SHPRH: variants seen among roughly 807,000 people sequenced by gnomAD.
SHPRH encodes E3 ubiquitin-protein ligase SHPRH.
A neutral mutation model predicts 202.5 loss-of-function variants in SHPRH; 106 were observed. The observed-to-expected ratio is 0.52, with a 90% CI of 0.45 to 0.62. SHPRH has a LOEUF of 0.62. Among genes scored for constraint, SHPRH ranks in the 20% least tolerant of loss-of-function variants. SHPRH has a pLI of 0.00. For synonymous variants in SHPRH, 729 were observed against 686.0 expected (o/e 1.06, Z -0.98); for missense variants, 1,710 against 2,020.0 (o/e 0.85, Z 2.94).
intron 2 of SHPRH, among the ~76,000 whole-genome samples, chr6:145,868,791 T>C (rs1180816785): frequency 6.6e-6 from 1 of 152,254 alleles, no homozygotes; most frequent in Non-Finnish European, 1.5e-5. Flanking sequence ...ATCATTCTGA[T>C]AGCTGATTTC....
At chr6:145,961,084 A>G (rs1326412191) in intron 1 of SHPRH, among the ~76,000 whole-genome samples, 1 of 152,134 alleles carries the variant, frequency 6.6e-6, no homozygotes, top group African/African-American at 2.4e-5. Flanking sequence ...ACCTCCTGCA[A>G]TGCAGCCCGG....
intron 21 of SHPRH, among the ~76,000 whole-genome samples, chr6:145,920,651 A>G (rs1583400194): frequency 6.6e-6 from 1 of 152,210 alleles, no homozygotes; most frequent in South Asian, 2.1e-4. Flanking sequence ...ATAAAACAAT[A>G]ATTGAAAATT....
intron 8 of SHPRH, among the ~76,000 whole-genome samples, chr6:145,944,875 T>C (rs564870586): frequency 9.9e-5 from 15 of 152,014 alleles, no homozygotes; most frequent in South Asian, 6.2e-4. Context: ...CTGGGCAACA[T>C]AGTGAGAACC....
chr6:145,951,656 G>A (rs1260440259), intron 3 of SHPRH: 11 of 317,010 alleles, frequency 3.5e-5, no homozygotes, highest in South Asian at 7.9e-5. Flanking sequence ...CTTGCAAAAC[G>A]ATTTACTATT....
downstream of SHPRH, among the ~76,000 whole-genome samples, chr6:145,863,195 A>T (rs1348052688): frequency 6.6e-6 from 1 of 152,232 alleles, no homozygotes; most frequent in Non-Finnish European, 1.5e-5. Context: ...CTGTACCCCA[A>T]GTATGAATGA....
chr6:145,867,631 T>TAGAGAG (rs748613165), intron 2 of SHPRH, among the ~76,000 whole-genome samples: 248 of 22,286 alleles, frequency 0.011, 20 homozygotes, highest in East Asian at 0.018. Flanking sequence ...TATATATATA[T>TAGAGAG]AGAGAGAGAG....
In SHPRH at chr6:145,947,512, T is replaced by G; in HGVS notation, c.1193A>C (p.Asp398Ala). ...TCCTACCTCGGGAAGAGTGAGAGCATCTTGCTTGACATCTTGTCGAGTATG... is the reference window on the plus strand; with the variant it reads ...TCCTACCTCGGGAAGAGTGAGAGCAGCTTGCTTGACATCTTGTCGAGTATG... ...LTHTRQDVKQ[D>A]ALTLPEGKVV... The change falls in exon 6 of 30, where the codon GAT (aspartate) becomes GCT (alanine). Residue 398 changes from aspartate to alanine, a missense_variant. Physicochemically the swap from Asp to Ala is moderately radical, Grantham distance 126. Around this residue, in one of 8 missense-constraint regions of SHPRH, gnomAD observed 348 missense variants for 356.9 expected, o/e 0.97. Coordinates refer to ENST00000275233, the MANE Select transcript of SHPRH (RefSeq NM_001042683.3). 1.2e-6 allele frequency: 2 copies of G among 1,612,742 alleles called. No individual in the cohort carries two copies. Among genetic ancestry groups the G allele is most frequent in the South Asian group, 1.1e-5 (1 of 91,022 alleles).
At chr6:145,875,040 A>G (rs1300048076) in intron 2 of SHPRH, among the ~76,000 whole-genome samples, 3 of 152,204 alleles carry the variant, frequency 2.0e-5, no homozygotes, top group Non-Finnish European at 4.4e-5. Flanking sequence ...GAGCACTGAT[A>G]TAAGTCTCAA....
chr6:145,943,683 A>G lies in SHPRH; in HGVS notation c.1698T>C (p.Tyr566=), dbSNP rs1329094629. 2 of 1,613,834 alleles carry G rather than the reference A, an allele frequency of 1.2e-6. No homozygotes were observed. Among genetic ancestry groups the G allele is most frequent in the Non-Finnish European group, 1.7e-6 (2 of 1,179,870 alleles). The stretch of plus-strand genomic sequence containing the variant: ...TACTGCGATTTCTCCTGGACTTATA[A>G]TAATAATAGTAAGGATCATCATCAT... The part of the protein sequence containing the change: ...SDDDDDPYYY[Y]YKSRRNRSKL... Residue 566 remains tyrosine (Y), a synonymous_variant, in exon 9 of 30, where the codon TAT becomes TAC. Transcript: ENST00000275233.
intron 20 of SHPRH, 105 bp from the exon 21 acceptor site, chr6:145,921,497 C>A: frequency 1.8e-6 from 2 of 1,132,426 alleles, no homozygotes; most frequent in South Asian, 1.6e-5. Flanking sequence ...TTGGAAAAAC[C>A]AAAGCAACCT....
At chr6:145,948,657 T>A (rs1271590060) in intron 4 of SHPRH, among the ~76,000 whole-genome samples, 1 of 152,058 alleles carries the variant, frequency 6.6e-6, no homozygotes, top group Non-Finnish European at 1.5e-5. Flanking sequence ...AACTAATACA[T>A]ATAACCAGCT....
intron 29 of SHPRH, among the ~76,000 whole-genome samples, chr6:145,887,534 T>G (rs1189051891): frequency 4.5e-5 from 5 of 110,094 alleles, no homozygotes; most frequent in South Asian, 2.5e-4. Context: ...AACAAGTTTG[T>G]TTTTTTTTTT....
intron 25 of SHPRH, among the ~76,000 whole-genome samples, chr6:145,898,851 G>A (rs1225462462): frequency 2.0e-5 from 3 of 151,954 alleles, no homozygotes; most frequent in Non-Finnish European, 2.9e-5. Flanking sequence ...TTGTGCTGTC[G>A]CCCTAGTTGG....
At chr6:145,961,624 C>A (rs2128813831) in intron 1 of SHPRH, among the ~76,000 whole-genome samples, 1 of 152,216 alleles carries the variant, frequency 6.6e-6, no homozygotes, top group Middle Eastern at 3.4e-3. Context: ...AAATTATGTA[C>A]ACCATTATAA....
At chr6:145,864,502 A>T in intron 2 of SHPRH, 2 of 251,944 alleles carry the variant, frequency 7.9e-6, no homozygotes, top group East Asian at 1.2e-4. Context: ...CTGTGGAAAT[A>T]AAAAATTAAA....
chr6:145,882,909 T>C (rs1466470153), downstream of SHPRH, among the ~76,000 whole-genome samples: 1 of 152,084 alleles, frequency 6.6e-6, no homozygotes, highest in Non-Finnish European at 1.5e-5. Context: ...ACTGGAAGGG[T>C]CAGTAATCAG....
chr6:145,888,232 G>C, intron 28 of SHPRH, 132 bp from the exon 29 acceptor site: 1 of 587,220 alleles, frequency 1.7e-6, no homozygotes, highest in Non-Finnish European at 3.0e-6. Flanking sequence ...GAGGGGTTCA[G>C]CAGCGAATAA....
At chr6:145,865,389 C>G (rs985420345) in intron 2 of SHPRH, among the ~76,000 whole-genome samples, 2 of 152,216 alleles carry the variant, frequency 1.3e-5, no homozygotes, top group African/African-American at 4.8e-5. Flanking sequence ...AAAAAGAGTT[C>G]TCACCAGAAC....
At chr6:145,862,281 C>G (rs1187566568), downstream of SHPRH, among the ~76,000 whole-genome samples, 2 of 150,792 alleles carry the variant, frequency 1.3e-5, no homozygotes, top group African/African-American at 4.9e-5. Context: ...AACCCCGTTT[C>G]TACTAAAAAT....
Sources: gnomAD v4.1 joint callset for allele counts (sites outside exome capture counted in the v4.1 genomes callset) on GRCh38, gnomAD v4.1.1 for gene constraint, gnomAD v4.1.1 regional missense constraint, MANE v1.5 for transcripts, NCBI Gene and HGNC (gene_info 2026-07-23, HGNC 2026-07-21) for gene names.